Variants in PPP1R1C observed in about 807,000 individuals in gnomAD.
The protein encoded by PPP1R1C is protein phosphatase 1 regulatory inhibitor subunit 1C, also known as protein phosphatase 1 regulatory subunit 1C.
A neutral mutation model predicts 17.4 loss-of-function variants in PPP1R1C; 15 were observed. The observed-to-expected ratio is 0.86, with a 90% CI of 0.58 to 1.33. PPP1R1C has a LOEUF of 1.33. Ranked by LOEUF, PPP1R1C falls within the 40% of genes most tolerant of loss-of-function variation. The pLI is 0.00. For missense variants in PPP1R1C, 143 were observed against 130.0 expected (o/e 1.10, Z -0.48); for synonymous variants, 35 against 43.1 (o/e 0.81, Z 0.73).
At chr2:181,972,652 A>T (rs1285001231) in intron 1 of PPP1R1C, among the ~76,000 whole-genome samples, 1 of 152,194 alleles carries the variant, frequency 6.6e-6, no homozygotes, top group Non-Finnish European at 1.5e-5. Flanking sequence ...AGTCACTACA[A>T]GTGACCATAT....
At chr2:182,060,279 G>T (rs1029084541) in intron 2 of PPP1R1C, among the ~76,000 whole-genome samples, 1 of 152,054 alleles carries the variant, frequency 6.6e-6, no homozygotes, top group African/African-American at 2.4e-5. Context: ...TGTTTAGCCA[G>T]TTTGTTCTCT....
chr2:181,966,930 G>C (rs888574180), intron 1 of PPP1R1C, among the ~76,000 whole-genome samples: 8 of 152,078 alleles, frequency 5.3e-5, no homozygotes, highest in African/African-American at 1.7e-4. Flanking sequence ...TGAAGCCATG[G>C]GGGGTGCTTG....
At chr2:182,107,485 A>G (rs553457365) in intron 4 of PPP1R1C, among the ~76,000 whole-genome samples, 4 of 152,340 alleles carry the variant, frequency 2.6e-5, no homozygotes, top group Admixed American at 6.5e-5. Flanking sequence ...TTTTAAAAAT[A>G]CAAAAACATT....
intron 4 of PPP1R1C, among the ~76,000 whole-genome samples, chr2:182,079,651 C>G (rs192804984): frequency 3.4e-4 from 52 of 152,240 alleles, no homozygotes; most frequent in Middle Eastern, 6.8e-3. Context: ...TTAATAGATT[C>G]CCACAAACTT....
chr2:181,966,446 T>C (rs961299917), intron 1 of PPP1R1C, among the ~76,000 whole-genome samples: 1 of 152,214 alleles, frequency 6.6e-6, no homozygotes, highest in African/African-American at 2.4e-5. Flanking sequence ...GGGTATGTCA[T>C]ATATGGCTTT....
chr2:181,995,689 C>CT (rs751059969), intron 2 of PPP1R1C, among the ~76,000 whole-genome samples: 1 of 151,730 alleles, frequency 6.6e-6, no homozygotes, highest in Non-Finnish European at 1.5e-5. Flanking sequence ...TAGGGGACCT[C>CT]TAACAATAAA....
chr2:181,990,592 G>T (rs1273605815), intron 2 of PPP1R1C, among the ~76,000 whole-genome samples: 1 of 152,180 alleles, frequency 6.6e-6, no homozygotes, highest in Admixed American at 6.5e-5. Context: ...TAACTGATGT[G>T]TTCGGGAATA....
At chr2:181,998,928 G>A (rs775395881) in intron 2 of PPP1R1C, among the ~76,000 whole-genome samples, 2 of 152,176 alleles carry the variant, frequency 1.3e-5, no homozygotes, top group African/African-American at 2.4e-5. Context: ...AAAACAGCAT[G>A]AATGATTGGA....
intron 5 of PPP1R1C, among the ~76,000 whole-genome samples, chr2:182,128,302 G>A (rs928979933): frequency 3.3e-5 from 5 of 152,010 alleles, no homozygotes; most frequent in African/African-American, 9.7e-5. Context: ...AAAAGGTAGC[G>A]TCTCCTTTTT....
chr2:182,034,584 T>C (rs764716703), intron 2 of PPP1R1C, among the ~76,000 whole-genome samples: 49 of 152,168 alleles, frequency 3.2e-4, no homozygotes, highest in Non-Finnish European at 6.9e-4. Flanking sequence ...GACTATAAAC[T>C]TTTAAGGGCA....
intron 2 of PPP1R1C, among the ~76,000 whole-genome samples, chr2:182,055,749 C>A (rs546567414): frequency 6.6e-6 from 1 of 152,142 alleles, no homozygotes; most frequent in Admixed American, 6.5e-5. Context: ...TCTTCTTCAT[C>A]TCTTTGTAAG....
At chr2:182,129,105 A>G (rs1689944528) in exon 6 of PPP1R1C, 2 of 152,148 alleles carry the variant, frequency 1.3e-5, no homozygotes, top group Non-Finnish European at 2.9e-5. Flanking sequence ...TTTCTACTGG[A>G]TTACCTCCTG....
chr2:182,125,662 A>T (rs187990290), intron 5 of PPP1R1C, among the ~76,000 whole-genome samples: 30 of 152,186 alleles, frequency 2.0e-4, no homozygotes, highest in African/African-American at 6.3e-4. Context: ...CATTTCTTCT[A>T]GATTTTCTAG....
intron 2 of PPP1R1C, among the ~76,000 whole-genome samples, chr2:182,013,014 A>G (rs998313791): frequency 1.3e-5 from 2 of 152,182 alleles, no homozygotes; most frequent in Non-Finnish European, 2.9e-5. Flanking sequence ...ATAATTTTTG[A>G]TGGGTGCATC....
chr2:182,017,804 TCATACTGTA>T (rs1279507546), intron 2 of PPP1R1C, among the ~76,000 whole-genome samples: 1 of 152,156 alleles, frequency 6.6e-6, no homozygotes, highest in Admixed American at 6.5e-5. Flanking sequence ...CATAGAACTG[TCATACTGTA>T]CATCTATTGT....
chr2:182,098,401 T>C (rs1303918530), intron 4 of PPP1R1C, among the ~76,000 whole-genome samples: 1 of 152,202 alleles, frequency 6.6e-6, no homozygotes, highest in Non-Finnish European at 1.5e-5. Context: ...CTTATGATGA[T>C]ATTTCATGTA....
chr2:181,987,717 C>T lies in PPP1R1C; in HGVS notation c.82-122C>T, dbSNP rs993761637. On this transcript the variant is annotated intron_variant, in intron 1 of 4. Transcript: ENST00000682840. ...AATTAGTGAGCACCTTCCATGTGTCCTCCAGAAATTTGCTTTTGCATGTGG... is the reference window on the plus strand; with the variant it reads ...AATTAGTGAGCACCTTCCATGTGTCTTCCAGAAATTTGCTTTTGCATGTGG... 2.6e-5 allele frequency: 22 copies of T among 862,538 alleles called. No homozygotes were observed. The Admixed American group carries it at 2.9e-4, about 11-fold the overall frequency. The allele number at this position is 862,538 out of a possible 1,614,324, so 53.4% of individuals were successfully genotyped here. A position where few individuals can be genotyped will look rare whatever the true frequency, so the allele number is the denominator to read the frequency against.
intron 4 of PPP1R1C, among the ~76,000 whole-genome samples, chr2:182,104,100 C>A (rs1689179531): frequency 6.6e-6 from 1 of 152,122 alleles, no homozygotes; most frequent in Admixed American, 6.5e-5. Context: ...TTTTTCTTGC[C>A]ACTAGGTAAA....
chr2:182,080,116 G>C (rs1357921884), intron 4 of PPP1R1C, among the ~76,000 whole-genome samples: 2 of 152,180 alleles, frequency 1.3e-5, no homozygotes, highest in African/African-American at 4.8e-5. Context: ...TAAAGCACTA[G>C]AACAATGCCT....
Sources: gnomAD v4.1 joint callset for allele counts (sites outside exome capture counted in the v4.1 genomes callset) on GRCh38, gnomAD v4.1.1 for gene constraint, MANE v1.5 for transcripts, NCBI Gene and HGNC (gene_info 2026-07-23, HGNC 2026-07-21) for gene names.